The following ITPRID2 variants were observed in gnomAD, a reference collection of about 807,000 sequenced individuals.
ITPRID2 encodes the protein ITPR interacting domain containing 2.
A neutral mutation model predicts 124.3 loss-of-function variants in ITPRID2; 60 were observed. That is an observed-to-expected ratio of 0.48 (90% CI 0.39 to 0.60). The LOEUF (loss-of-function observed/expected upper bound fraction) is 0.60, where lower values mean the gene tolerates loss of function less well. ITPRID2 is among the 20% of genes least tolerant of loss of function. ITPRID2 has a pLI of 0.00. For synonymous variants in ITPRID2, 521 were observed against 542.9 expected, an observed-to-expected ratio of 0.96 and a Z score of 0.56; for missense variants, 1,553 against 1,512.2, an observed-to-expected ratio of 1.03 and a Z score of -0.45.
chr2:181,902,119 T>G lies in ITPRID2; in HGVS notation c.1066T>G (p.Leu356Val), dbSNP rs1692716974. ...GAAGAAGAAAGAGTCATCTTCTATG[T>G]TGGCTACAGTTAAAGAAGAAGTCTC... Reference protein sequence around the residue: ...IMKKKESSSMLATVKEEVSGS... With the variant: ...IMKKKESSSMVATVKEEVSGS... Residue 356 changes from leucine (L) to valine (V), a missense_variant, in exon 8 of 18, where the codon TTG becomes GTG. Physicochemically the swap from Leu to Val is conservative, Grantham distance 32 (BLOSUM62 1). Coordinates refer to ENST00000431877, the MANE Select transcript of ITPRID2 (RefSeq NM_001130445.3). The surrounding 1 kb of genome is among the most constrained non-coding windows in gnomAD (Gnocchi z 4.4). The G allele has an allele frequency of 6.2e-7, 1 of 1,613,024 alleles. No individual in the cohort carries two copies. The highest frequency in any genetic ancestry group is 1.7e-5 in the Admixed American group (1 of 59,898).
chr2:181,928,435 C>T (rs906984225), intron 17 of ITPRID2, among the ~76,000 whole-genome samples, 157 bp downstream of exon 17: 2 of 152,058 alleles, frequency 1.3e-5, no homozygotes, highest in African/African-American at 4.8e-5. Context: ...TTCACACAAG[C>T]CTATTTGAAG....
At position 181,902,207 on chromosome 2, in the gene ITPRID2, G is replaced by A. The variant is rs774730393; in HGVS notation, c.1154G>A (p.Ser385Asn). Residue 385 changes from serine (S) to asparagine (N), a missense_variant, in exon 8 of 18, where the codon AGT becomes AAT. Coordinates refer to ENST00000431877, the MANE Select transcript of ITPRID2 (RefSeq NM_001130445.3). This position sits in a 1 kb window ranked among gnomAD's most constrained non-coding sequence, Gnocchi z 4.4. ...DSDRISDEAN[S>N]NFNQGTENEQ... ...GATAGAATTTCTGATGAAGCAAATA[G>A]TAATTTTAACCAAGGAACTGAAAAT... 1 of 1,613,608 alleles carries A rather than the reference G, an allele frequency of 6.2e-7. No homozygotes were observed. The highest frequency in any genetic ancestry group is 8.5e-7 in the Non-Finnish European group (1 of 1,179,680).
chr2:181,899,990 TC>T (rs1279463197), intron 6 of ITPRID2, among the ~76,000 whole-genome samples: 2 of 152,224 alleles, frequency 1.3e-5, no homozygotes, highest in Admixed American at 1.3e-4. Flanking sequence ...TTGAAATGTC[TC>T]TCTGTTGAAG....
At chr2:181,897,329 G>C (rs1217645187) in intron 4 of ITPRID2, among the ~76,000 whole-genome samples, 1 of 151,962 alleles carries the variant, frequency 6.6e-6, no homozygotes, top group Non-Finnish European at 1.5e-5. Flanking sequence ...GCGCAAAATA[G>C]ACTTATGTCA....
Position 181,922,407 on chromosome 2 carries a change from C to G in ITPRID2, c.3670C>G (p.Arg1224Gly). The change falls in exon 16 of 18, where the codon CGG becomes GGG. Residue 1224 changes from arginine (R) to glycine (G), a missense_variant. Physicochemically the swap from Arg to Gly is moderately radical, Grantham distance 125. Transcript: ENST00000431877. ...VEQDELQQVIREIKESIVGEI... is the reference protein window; with the variant it reads ...VEQDELQQVIGEIKESIVGEI... Reference sequence around the variant, plus strand: ...GCAAGATGAGTTGCAGCAAGTCATACGGGAGGTGGGTAAAATCTGTGTTTC... The same window carrying G: ...GCAAGATGAGTTGCAGCAAGTCATAGGGGAGGTGGGTAAAATCTGTGTTTC... 1.2e-6 allele frequency: 2 copies of G among 1,604,818 alleles called. No homozygotes were observed. Among genetic ancestry groups the G allele is most frequent in the Non-Finnish European group, 1.7e-6 (2 of 1,174,838 alleles).
Position 181,909,905 on chromosome 2 carries a change from A to C in ITPRID2, c.1420A>C (p.Ser474Arg). 1 of 1,613,120 alleles carries C rather than the reference A, an allele frequency of 6.2e-7. No individual in the cohort carries two copies. The highest frequency in any genetic ancestry group is 2.2e-5 in the East Asian group (1 of 44,826). ...KDSFEMEEVQ[S>R]TEGEAPHVPA... ...ACTTAAAACTCTTCTTAAGGTTCAA[A>C]GTACGGAGGGAGAAGCTCCTCATGT... The change falls in exon 9 of 18, where the codon AGT becomes CGT. Residue 474 changes from serine (S) to arginine (R), a missense_variant. By Grantham distance (110) the Ser-to-Arg change is moderately radical. Coordinates refer to ENST00000431877, the MANE Select transcript of ITPRID2 (RefSeq NM_001130445.3).
rs1308637053 is a variant in ITPRID2 at position 181,916,439 on chromosome 2, A to C, written c.2787+12A>C. ...AGAATCTTTCACAGGTATGAGAAAA[A>C]GTATGTTATCATTAGCTTTTTTCTT... On this transcript the variant is annotated intron_variant, in intron 11 of 17. Transcript: ENST00000431877. The C allele has an allele frequency of 6.2e-7, 1 of 1,606,276 alleles. No individual in the cohort carries two copies.
intron 9 of ITPRID2, among the ~76,000 whole-genome samples, chr2:181,913,258 G>A (rs1204921203): frequency 1.3e-5 from 2 of 151,894 alleles, no homozygotes; most frequent in Non-Finnish European, 2.9e-5. Context: ...TAGTACAGAC[G>A]GGCTTTTACC....
intron 4 of ITPRID2, among the ~76,000 whole-genome samples, chr2:181,897,234 A>G (rs1299275844): frequency 6.6e-6 from 1 of 151,984 alleles, no homozygotes; most frequent in East Asian, 1.9e-4. Context: ...AACCGTGGTA[A>G]TATAACTGAG....
At chr2:181,895,251 C>T (rs1489328174) in intron 2 of ITPRID2, among the ~76,000 whole-genome samples, 6 of 151,874 alleles carry the variant, frequency 4.0e-5, no homozygotes, top group Admixed American at 1.3e-4. Context: ...CAATATAAAA[C>T]AATGTGTTTC....
chr2:181,929,588 A>T lies in ITPRID2; in HGVS notation c.*41A>T. Reference sequence around the variant, plus strand: ...TGGCATGGATCCTATTAGCTGTGTAATACTGGAATTATCAATGATATGCAC... The same window carrying T: ...TGGCATGGATCCTATTAGCTGTGTATTACTGGAATTATCAATGATATGCAC... On this transcript the variant is annotated 3_prime_UTR_variant, in exon 18 of 18. Coordinates refer to ENST00000431877, the MANE Select transcript of ITPRID2 (RefSeq NM_001130445.3). 1 of 1,613,118 alleles carries T rather than the reference A, an allele frequency of 6.2e-7. No homozygotes were observed. The highest frequency in any genetic ancestry group is 1.1e-5 in the South Asian group (1 of 91,022).
At chr2:181,911,137 T>TA (rs1238327574) in intron 9 of ITPRID2, among the ~76,000 whole-genome samples, 1 of 152,218 alleles carries the variant, frequency 6.6e-6, no homozygotes, top group Non-Finnish European at 1.5e-5. Flanking sequence ...CAGATTTTTA[T>TA]AAAGTAACAG....
In ITPRID2 at chr2:181,915,239, G is replaced by T. The variant is rs750633390; in HGVS notation, c.1599G>T (p.Met533Ile). 18 of 1,613,864 alleles carry T rather than the reference G, an allele frequency of 1.1e-5. No homozygotes were observed. In the South Asian group the frequency reaches 1.5e-4, roughly 14 times the overall value. The stretch of plus-strand genomic sequence containing the variant: ...AGGTTCAGGAGTCCTTGCAGGCTAT[G>T]GGGAGTAGTGCTGATAGTTGTGACA... ...HLQVQESLQA[M>I]GSSADSCDSE... is the part of the protein sequence containing the mutation. Residue 533 changes from methionine to isoleucine, a missense_variant, in exon 11 of 18, where the codon ATG becomes ATT. Transcript: ENST00000431877.
At position 181,928,252 on chromosome 2, in the gene ITPRID2, A is replaced by C; in HGVS notation, c.3767A>C (p.Gln1256Pro). The part of the protein sequence containing the change: ...VSSSKASNSK[Q>P]DYH ...TCAAGTAAAGCGTCTAATTCTAAGC[A>C]AGATTATCATTAAACAGAAATTATA... Residue 1256 changes from glutamine to proline, a missense_variant, in exon 17 of 18, where the codon CAA (glutamine) becomes CCA (proline). Transcript: ENST00000431877. 6.5e-7 allele frequency: 1 copy of C among 1,541,040 alleles called. No individual in the cohort carries two copies. Among genetic ancestry groups the C allele is most frequent in the South Asian group, 1.2e-5 (1 of 81,164 alleles).
chr2:181,926,257 C>T (rs1164200925), intron 16 of ITPRID2, among the ~76,000 whole-genome samples: 1 of 152,110 alleles, frequency 6.6e-6, no homozygotes, highest in Non-Finnish European at 1.5e-5. Context: ...CAGCAAGACT[C>T]TGTCACAAAA....
chr2:181,900,541 A>C (rs1189256403), intron 6 of ITPRID2, among the ~76,000 whole-genome samples, 155 bp from the exon 7 acceptor site: 1 of 152,234 alleles, frequency 6.6e-6, no homozygotes, highest in Non-Finnish European at 1.5e-5. Flanking sequence ...ACACATGTGT[A>C]AACATGGTAA....
chr2:181,912,819 TAAAAC>T (rs923032057), intron 9 of ITPRID2, among the ~76,000 whole-genome samples: 1 of 152,312 alleles, frequency 6.6e-6, no homozygotes. Context: ...TTTACTTATG[TAAAAC>T]ATTATAGATC....
At position 181,915,472 on chromosome 2, in the gene ITPRID2, C is replaced by T. The variant is rs1693956393; in HGVS notation, c.1832C>T (p.Thr611Ile). The stretch of plus-strand genomic sequence containing the variant: ...GAGAATACAGGAACTAAACAGTCCA[C>T]CTGTAGTCCAGGGGATCATATCATT... ...TIENTGTKQSTCSPGDHIIEI... is the reference protein window; with the variant it reads ...TIENTGTKQSICSPGDHIIEI... Residue 611 changes from threonine (T) to isoleucine (I), a missense_variant, in exon 11 of 18, where the codon ACC becomes ATC. Coordinates refer to ENST00000431877, the MANE Select transcript of ITPRID2 (RefSeq NM_001130445.3). 6.2e-7 allele frequency: 1 copy of T among 1,614,046 alleles called. No individual in the cohort carries two copies.
Position 181,892,431 on chromosome 2 carries a change from G to T in ITPRID2, c.211+154G>T. 9.7e-6 allele frequency: 11 copies of T among 1,138,292 alleles called. No individual in the cohort carries two copies. The highest frequency in any genetic ancestry group is 1.1e-5 in the Non-Finnish European group (9 of 803,986). The allele number at this position is 1,138,292 out of a possible 1,614,324, so 70.5% of individuals were successfully genotyped here. A position where few individuals can be genotyped will look rare whatever the true frequency, so the allele number is the denominator to read the frequency against. ...CGACCTTCAAACGCGCGCGCTGAACGAGGCGCCCCCAGCGTCAACACAGAC... is the reference window on the plus strand; with the variant it reads ...CGACCTTCAAACGCGCGCGCTGAACTAGGCGCCCCCAGCGTCAACACAGAC... On this transcript the variant is annotated intron_variant, in intron 1 of 17. Coordinates refer to ENST00000431877, the MANE Select transcript of ITPRID2 (RefSeq NM_001130445.3). This position sits in a 1 kb window ranked among gnomAD's most constrained non-coding sequence, Gnocchi z 5.2.
Sources: allele counts gnomAD v4.1 joint callset (sites outside exome capture counted in the v4.1 genomes callset), GRCh38; gene constraint gnomAD v4.1.1; non-coding constraint Gnocchi (gnomAD v3.1); transcripts MANE v1.5; gene names NCBI Gene and HGNC (gene_info 2026-07-23, HGNC 2026-07-21).